Variants in TNS3 observed in about 807,000 individuals in gnomAD.
The protein encoded by TNS3 is tensin 3, also known as tensin-3.
Under a neutral mutation model 140.9 loss-of-function variants are expected in TNS3, and 45 were observed. That is an observed-to-expected ratio of 0.32 (90% CI 0.25 to 0.41). The LOEUF (loss-of-function observed/expected upper bound fraction) is 0.41, where lower values mean the gene tolerates loss of function less well. TNS3 is among the 10% of genes least tolerant of loss of function. The pLI is 1.00. For missense variants in TNS3, 1,716 were observed against 1,906.7 expected (o/e 0.90, Z 1.86); for synonymous variants, 815 against 788.4 (o/e 1.03, Z -0.56).
At chr7:47,282,804 C>G (rs1018235022) in intron 28 of TNS3, among the ~76,000 whole-genome samples, 4 of 152,110 alleles carry the variant, frequency 2.6e-5, no homozygotes, top group African/African-American at 9.7e-5. Flanking sequence ...GCTAAACCTG[C>G]CTAAACTCAC....
rs1244768860 is a variant in TNS3 at position 47,457,131 on chromosome 7, GGGA to G, written c.-75-15079_-75-15077del. 5.8e-3 allele frequency among the ~76,000 whole-genome samples: 186 copies of G among 32,230 alleles called. 3 individuals are homozygous for G. Among genetic ancestry groups the G allele is most frequent in the African/African-American group, 8.7e-3 (83 of 9,576 alleles). 21.1% of individuals were successfully genotyped at this position (32,230 alleles called of 152,430 possible). On this transcript the variant is annotated intron_variant, in intron 4 of 30. Transcript: ENST00000311160. ...TAAAGGGGAGGGGAGGGGAGGGGAG[GGGA>G]GGAGGGGAGGGGAGGGGAGGGGAAG...
chr7:47,571,961 T>C (rs1800567844), intron 1 of TNS3, among the ~76,000 whole-genome samples: 1 of 152,092 alleles, frequency 6.6e-6, no homozygotes, highest in African/African-American at 2.4e-5. Context: ...CCCACTCCTC[T>C]CACCGCCAGG....
intron 24 of TNS3, among the ~76,000 whole-genome samples, chr7:47,295,639 A>G (rs1299502300): frequency 6.6e-6 from 1 of 152,144 alleles, no homozygotes; most frequent in East Asian, 1.9e-4. Flanking sequence ...CTTCAGGACA[A>G]TCAGTAGCCA....
chr7:47,481,752 C>A (rs1227647112), intron 3 of TNS3: 1 of 981,228 alleles, frequency 1.0e-6, no homozygotes, highest in Non-Finnish European at 1.2e-6. Context: ...AAGAAAGTAA[C>A]GGAGGCAAGG....
At chr7:47,415,360 G>A (rs541195628) in intron 10 of TNS3, among the ~76,000 whole-genome samples, 154 bp from the exon 11 acceptor site, 9 of 152,298 alleles carry the variant, frequency 5.9e-5, no homozygotes, top group South Asian at 2.1e-4. Context: ...ATGGTGCTGC[G>A]CTTACAGGTC....
intron 1 of TNS3, among the ~76,000 whole-genome samples, chr7:47,563,199 AC>A (rs1006292810): frequency 1.3e-5 from 2 of 151,906 alleles, no homozygotes; most frequent in African/African-American, 4.8e-5. Flanking sequence ...GAAACACAGA[AC>A]CCCTCCTGCC....
At chr7:47,428,616 T>C (rs1486772148) in intron 8 of TNS3, among the ~76,000 whole-genome samples, 2 of 152,172 alleles carry the variant, frequency 1.3e-5, no homozygotes. Flanking sequence ...GGAGCAGCTG[T>C]AGAAGCCCAG....
rs747738563 is a variant in TNS3 at position 47,303,247 on chromosome 7, G to A, written c.3160C>T (p.Pro1054Ser). 6.2e-7 allele frequency: 1 copy of A among 1,613,762 alleles called. No individual in the cohort carries two copies. The highest frequency in any genetic ancestry group is 1.7e-5 in the Admixed American group (1 of 60,024). ...TCGGCAGCCCCTGTCGCTGTCAGCG[G>A]GATGCTGGGGGTCGGTGACGCTCCA... ...SHGASPTPSI[P>S]LTATGAADNG... The change falls in exon 22 of 31, where the codon CCG becomes TCG. Residue 1054 changes from proline (P) to serine (S), a missense_variant. By Grantham distance (74) the Pro-to-Ser change is moderately conservative. Around this residue, in one of 3 missense-constraint regions of TNS3, gnomAD observed 1,163 missense variants for 1,182.1 expected, o/e 0.98. Transcript: ENST00000311160.
At chr7:47,429,456 C>T (rs961113184) in intron 8 of TNS3, among the ~76,000 whole-genome samples, 2 of 152,158 alleles carry the variant, frequency 1.3e-5, no homozygotes, top group African/African-American at 2.4e-5. Flanking sequence ...TAAGCTCCGC[C>T]TCCCGGGTTC....
intron 3 of TNS3, among the ~76,000 whole-genome samples, chr7:47,500,272 G>A (rs1168203165): frequency 6.6e-6 from 1 of 152,208 alleles, no homozygotes; most frequent in Non-Finnish European, 1.5e-5. Flanking sequence ...CTGCTGAACT[G>A]GCTGGCTTAA....
At chr7:47,448,512 C>G (rs948783461) in intron 4 of TNS3, among the ~76,000 whole-genome samples, 2 of 143,506 alleles carry the variant, frequency 1.4e-5, no homozygotes, top group Admixed American at 1.4e-4. Flanking sequence ...CAGAGTCTCA[C>G]TCTGCCACCC....
At chr7:47,362,985 T>C (rs374771459) in intron 17 of TNS3, among the ~76,000 whole-genome samples, 2 of 50,092 alleles carry the variant, frequency 4.0e-5, no homozygotes, top group Non-Finnish European at 9.1e-5. Flanking sequence ...ACCATCACCA[T>C]CACCAACATC....
intron 20 of TNS3, among the ~76,000 whole-genome samples, chr7:47,318,616 C>T (rs1787548609): frequency 6.6e-6 from 1 of 152,086 alleles, no homozygotes; most frequent in Admixed American, 6.5e-5. Flanking sequence ...TTATGCTGAG[C>T]CAAAACAAAA....
In TNS3 at chr7:47,554,615, C is replaced by T. The variant is rs1404394970; in HGVS notation, c.-264-25468G>A. Reference sequence around the variant, plus strand: ...AAAGGAGCTGCAAATGTGCTGGGAACAGCAAGAGCACTAGAACTAGACGTG... The same window carrying T: ...AAAGGAGCTGCAAATGTGCTGGGAATAGCAAGAGCACTAGAACTAGACGTG... On this transcript the variant is annotated intron_variant, in intron 1 of 30. Transcript: ENST00000311160. Among the ~76,000 whole-genome samples, 3 of 152,210 alleles carry T rather than the reference C, an allele frequency of 2.0e-5. No homozygotes were observed. In the East Asian group the frequency reaches 5.8e-4, roughly 29 times the overall value.
At chr7:47,487,448 A>T (rs1320896627) in intron 3 of TNS3, among the ~76,000 whole-genome samples, 1 of 151,862 alleles carries the variant, frequency 6.6e-6, no homozygotes, top group Non-Finnish European at 1.5e-5. Flanking sequence ...TGAAGTCTCT[A>T]CTCTACTCTG....
chr7:47,388,695 A>C (rs1792216034), intron 16 of TNS3, among the ~76,000 whole-genome samples: 1 of 151,878 alleles, frequency 6.6e-6, no homozygotes, highest in African/African-American at 2.4e-5. Flanking sequence ...TGAAAACCCC[A>C]TCTCTACTAA....
chr7:47,471,788 C>G (rs970333416), intron 4 of TNS3, among the ~76,000 whole-genome samples: 1 of 152,220 alleles, frequency 6.6e-6, no homozygotes, highest in Non-Finnish European at 1.5e-5. Context: ...CCCATGTCTT[C>G]ACCCAGATGA....
chr7:47,376,338 G>C (rs1187899218), intron 16 of TNS3, among the ~76,000 whole-genome samples: 1 of 152,226 alleles, frequency 6.6e-6, no homozygotes, highest in Non-Finnish European at 1.5e-5. Context: ...GCCACCCTCA[G>C]GTGAGCCAGG....
chr7:47,455,676 G>T (rs1796216404), intron 4 of TNS3, among the ~76,000 whole-genome samples: 1 of 152,202 alleles, frequency 6.6e-6, no homozygotes, highest in Admixed American at 6.5e-5. Flanking sequence ...ACACATTTAA[G>T]ACCCCATAAA....
Sources: gnomAD v4.1 joint callset for allele counts (sites outside exome capture counted in the v4.1 genomes callset) on GRCh38, gnomAD v4.1.1 for gene constraint, gnomAD v4.1.1 regional missense constraint, MANE v1.5 for transcripts, NCBI Gene and HGNC (gene_info 2026-07-23, HGNC 2026-07-21) for gene names.